Variants in MAP3K1 observed in about 807,000 individuals in gnomAD.
MAP3K1 encodes mitogen-activated protein kinase kinase kinase 1.
In MAP3K1, 36 loss-of-function variants were observed where a neutral mutation model predicts 144.2. The observed-to-expected ratio is 0.25, with a 90% CI of 0.19 to 0.33. The LOEUF (loss-of-function observed/expected upper bound fraction) is 0.33. MAP3K1 is among the 10% of genes least tolerant of loss of function. The pLI is 1.00. For synonymous variants in MAP3K1, 718 were observed against 688.7 expected (o/e 1.04, Z -0.67); for missense variants, 1,650 against 1,881.9 (o/e 0.88, Z 2.28).
intron 1 of MAP3K1, among the ~76,000 whole-genome samples, chr5:56,852,262 A>G (rs1162427417): frequency 6.6e-6 from 1 of 152,232 alleles, no homozygotes; most frequent in Non-Finnish European, 1.5e-5. Context: ...AAGACCTCAT[A>G]GAAGAGTAGA....
intron 14 of MAP3K1, 132 bp from the exon 15 acceptor site, chr5:56,883,395 T>C (rs1748286600): frequency 6.1e-6 from 5 of 814,892 alleles, no homozygotes; most frequent in Middle Eastern, 2.3e-4. Context: ...CGGTCACAAA[T>C]ACCTTCCATT....
chr5:56,819,710 G>T (rs1413270195), intron 1 of MAP3K1, among the ~76,000 whole-genome samples: 1 of 152,208 alleles, frequency 6.6e-6, no homozygotes, highest in Admixed American at 6.5e-5. Flanking sequence ...GTAGTCTCTA[G>T]AGGCTGCTTA....
intron 1 of MAP3K1, among the ~76,000 whole-genome samples, chr5:56,846,972 GT>G (rs1375394771): frequency 6.6e-6 from 1 of 151,012 alleles, no homozygotes; most frequent in African/African-American, 2.4e-5. Flanking sequence ...GAATGTGGTA[GT>G]TTTTAATGGA....
intron 1 of MAP3K1, among the ~76,000 whole-genome samples, chr5:56,854,366 G>T (rs1747267859): frequency 6.8e-6 from 1 of 147,028 alleles, no homozygotes; most frequent in Non-Finnish European, 1.5e-5. Flanking sequence ...CTGGGAGGCG[G>T]AGGTTGCCAG....
intron 10 of MAP3K1, among the ~76,000 whole-genome samples, chr5:56,877,713 C>A (rs538945570): frequency 4.6e-5 from 7 of 152,236 alleles, no homozygotes; most frequent in Admixed American, 3.3e-4. Flanking sequence ...CAACAGTGCC[C>A]TTCATAGCTA....
At chr5:56,821,113 C>A (rs1020027129) in intron 1 of MAP3K1, among the ~76,000 whole-genome samples, 3 of 152,118 alleles carry the variant, frequency 2.0e-5, no homozygotes, top group African/African-American at 4.8e-5. Context: ...ATAAAATATT[C>A]TTTAGGGCAT....
intron 1 of MAP3K1, chr5:56,820,306 A>G (rs1746115573): frequency 2.6e-6 from 1 of 380,332 alleles, no homozygotes; most frequent in Non-Finnish European, 3.6e-6. Context: ...ATCCCAAGTC[A>G]GACTGACTCC....
chr5:56,894,407 T>G lies in MAP3K1; in HGVS notation c.*727T>G, dbSNP rs1431925230. 4.3e-6 allele frequency: 1 copy of G among 232,382 alleles called. No individual in the cohort carries two copies. Among genetic ancestry groups the G allele is most frequent in the African/African-American group, 2.2e-5 (1 of 45,298 alleles). The allele number at this position is 232,382 out of a possible 1,614,324, so 14.4% of individuals were successfully genotyped here. ...GAACTAGATATGAAGTAGAGTTCAT[T>G]AAATATCTTGCTATTGTCAGAGTTT... is the stretch of plus-strand genomic sequence containing the variant. On this transcript the variant is annotated 3_prime_UTR_variant, in exon 20 of 20. Coordinates refer to ENST00000399503, the MANE Select transcript of MAP3K1 (RefSeq NM_005921.2).
At chr5:56,837,153 T>C (rs1273982154) in intron 1 of MAP3K1, among the ~76,000 whole-genome samples, 2 of 151,864 alleles carry the variant, frequency 1.3e-5, no homozygotes, top group African/African-American at 4.8e-5. Context: ...GTTCCCTTTC[T>C]TCCTCTTGGG....
intron 1 of MAP3K1, among the ~76,000 whole-genome samples, chr5:56,818,594 G>A (rs150492090): frequency 1.3e-5 from 2 of 152,218 alleles, no homozygotes; most frequent in East Asian, 3.9e-4. Flanking sequence ...CAGTGAAAGT[G>A]CCTGTAAGTG....
chr5:56,877,082 G>GA (rs1748055125), intron 10 of MAP3K1, among the ~76,000 whole-genome samples: 1 of 152,162 alleles, frequency 6.6e-6, no homozygotes, highest in South Asian at 2.1e-4. Context: ...AGGATCAAAG[G>GA]ATAGAATGCA....
intron 1 of MAP3K1, among the ~76,000 whole-genome samples, chr5:56,833,695 T>G (rs921134021): frequency 6.6e-6 from 1 of 152,210 alleles, no homozygotes; most frequent in Non-Finnish European, 1.5e-5. Context: ...TATTTTAAAT[T>G]TAGGCTTATT....
In MAP3K1 at chr5:56,881,095, T is replaced by G; in HGVS notation, c.2192T>G (p.Ile731Ser). The change falls in exon 13 of 20, where the codon ATT becomes AGT. Residue 731 changes from isoleucine (I) to serine (S), a missense_variant. Ile to Ser is a moderately radical substitution (Grantham distance 142). Around this residue, in one of 6 missense-constraint regions of MAP3K1, gnomAD observed 841 missense variants for 886.5 expected, o/e 0.95. Transcript: ENST00000399503. ...REILKAGSIG[I>S]GGVDYVLNCI... Reference sequence around the variant, plus strand: ...TTCCTTTTTGTAGGATCCATTGGTATTGGTGGTGTTGATTATGTCTTAAAT... The same window carrying G: ...TTCCTTTTTGTAGGATCCATTGGTAGTGGTGGTGTTGATTATGTCTTAAAT... 1 of 1,612,008 alleles carries G rather than the reference T, an allele frequency of 6.2e-7. No homozygotes were observed. Among genetic ancestry groups the G allele is most frequent in the Non-Finnish European group, 8.5e-7 (1 of 1,178,390 alleles).
intron 10 of MAP3K1, among the ~76,000 whole-genome samples, chr5:56,878,289 CTG>C (rs900348458): frequency 8.5e-5 from 13 of 152,158 alleles, no homozygotes; most frequent in Admixed American, 7.9e-4. Flanking sequence ...GCATCACACA[CTG>C]GAGTCTGTCG....
intron 1 of MAP3K1, among the ~76,000 whole-genome samples, chr5:56,831,151 T>C (rs1746477876): frequency 6.6e-6 from 1 of 151,746 alleles, no homozygotes; most frequent in Admixed American, 6.6e-5. Flanking sequence ...CTATAACTTT[T>C]TTTTAACCCG....
intron 13 of MAP3K1, 137 bp downstream of exon 13, chr5:56,881,409 T>C (rs1192308664): frequency 1.0e-5 from 10 of 992,376 alleles, no homozygotes; most frequent in African/African-American, 3.2e-5. Flanking sequence ...GATTGACATA[T>C]GAAAACCCAA....
At position 56,882,021 on chromosome 5, in the gene MAP3K1, T is replaced by TCAA. The variant is rs5868032; in HGVS notation, c.2845_2847dup (p.Thr949dup). On this transcript the variant is annotated inframe_insertion, in exon 14 of 20. Coordinates refer to ENST00000399503, the MANE Select transcript of MAP3K1 (RefSeq NM_005921.2). ...CAGCATTTCAGTAGGACCTTCTAGT[T>TCAA]CAACAACAACAACAACAACAACAAC... 1,324 of 1,572,478 alleles carry TCAA rather than the reference T, an allele frequency of 8.4e-4. 1 individual carries two copies. Among genetic ancestry groups the TCAA allele is most frequent in the Admixed American group, 1.2e-3 (70 of 59,336 alleles).
intron 1 of MAP3K1, among the ~76,000 whole-genome samples, chr5:56,836,854 C>G (rs779326948): frequency 6.6e-6 from 1 of 152,158 alleles, no homozygotes; most frequent in African/African-American, 2.4e-5. Context: ...ACAATCGATT[C>G]AAGTCTCAAG....
intron 1 of MAP3K1, among the ~76,000 whole-genome samples, chr5:56,818,471 A>T (rs895915933): frequency 2.0e-5 from 3 of 151,962 alleles, no homozygotes; most frequent in Admixed American, 2.0e-4. Context: ...TTTCCTTCTG[A>T]TCTTTGAATG....
Sources: gnomAD v4.1 joint callset for allele counts (sites outside exome capture counted in the v4.1 genomes callset) on GRCh38, gnomAD v4.1.1 for gene constraint, gnomAD v4.1.1 regional missense constraint, MANE v1.5 for transcripts, NCBI Gene and HGNC (gene_info 2026-07-23, HGNC 2026-07-21) for gene names.